The following ZNF99 variants were observed in gnomAD, a reference collection of about 807,000 sequenced individuals.
ZNF99 encodes zinc finger protein ENSP00000375192.
In ZNF99, 8 loss-of-function variants were observed where a neutral mutation model predicts 12.8. That is an observed-to-expected ratio of 0.62 (90% CI 0.37 to 1.13). ZNF99 has a LOEUF of 1.13. Ranked by LOEUF, ZNF99 falls within the 50% of genes most tolerant of loss-of-function variation. The probability of loss-of-function intolerance (pLI) is 0.02; values close to 1 mark genes in which losing one functional copy is unlikely to be tolerated. For synonymous variants in ZNF99, 318 were observed against 319.0 expected (o/e 1.00, Z 0.03); for missense variants, 1,007 against 1,006.2 (o/e 1.00, Z -0.01).
chr19:22,770,200 G>A (rs1218543376), intron 1 of ZNF99, among the ~76,000 whole-genome samples: 2 of 152,112 alleles, frequency 1.3e-5, no homozygotes, highest in Admixed American at 6.5e-5. Flanking sequence ...TATAAACAAA[G>A]ACGAGAGCCC....
Position 22,755,985 on chromosome 19 carries a change from T to G in ZNF99, c.*1329A>C, listed in dbSNP as rs573857794. 440 of 603,160 alleles carry G rather than the reference T, an allele frequency of 7.3e-4. 6 individuals carry two copies. The highest frequency in any genetic ancestry group is 2.8e-3 in the South Asian group (164 of 59,048). 37.4% of individuals were successfully genotyped at this position (603,160 alleles called of 1,614,324 possible). ...TTCCTCCAGTATCAATTATTTTATG[T>G]GTATTTAAGGTGTGAGGACTGGTTA... On this transcript the variant is annotated 3_prime_UTR_variant, in exon 4 of 4. Coordinates refer to ENST00000596209, the MANE Select transcript of ZNF99 (RefSeq NM_001080409.3).
At chr19:22,765,826 G>C (rs2145148889) in intron 3 of ZNF99, among the ~76,000 whole-genome samples, 1 of 151,998 alleles carries the variant, frequency 6.6e-6, no homozygotes, top group South Asian at 2.1e-4. Context: ...TATATAACAA[G>C]AGAAATGCTA....
At chr19:22,781,971 A>G (rs1485241369) in intron 1 of ZNF99, among the ~76,000 whole-genome samples, 1 of 151,986 alleles carries the variant, frequency 6.6e-6, no homozygotes, top group African/African-American at 2.4e-5. Flanking sequence ...AAAGCGGCAC[A>G]AAGATTTTTT....
chr19:22,755,357 A>T lies in ZNF99; in HGVS notation c.*1957T>A. On this transcript the variant is annotated 3_prime_UTR_variant, in exon 4 of 4. Coordinates refer to ENST00000596209, the MANE Select transcript of ZNF99 (RefSeq NM_001080409.3). The stretch of plus-strand genomic sequence containing the variant: ...GAAAACCAGTTAAAAGCTTTGCCAC[A>T]GTTTTCATATTTGTAGGGTTTCTCT... 3.7e-6 allele frequency: 1 copy of T among 272,412 alleles called. No homozygotes were observed. The highest frequency in any genetic ancestry group is 7.6e-6 in the Non-Finnish European group (1 of 131,494). 16.9% of individuals were successfully genotyped at this position (272,412 alleles called of 1,614,324 possible). A position where few individuals can be genotyped will look rare whatever the true frequency, so the allele number is the denominator to read the frequency against.
Position 22,758,797 on chromosome 19 carries a change from T to A in ZNF99, c.1112A>T (p.Tyr371Phe), listed in dbSNP as rs372668443. The change falls in exon 4 of 4, where the codon TAT (tyrosine) becomes TTT (phenylalanine). Residue 371 changes from tyrosine to phenylalanine, a missense_variant. Coordinates refer to ENST00000596209, the MANE Select transcript of ZNF99 (RefSeq NM_001080409.3). Reference protein sequence around the residue: ...IIHTEEKPYKYEECGKAFSNL... With the variant: ...IIHTEEKPYKFEECGKAFSNL... ...GCTAAAAGCTTTGCCGCATTCTTCA[T>A]ATTTGTAGGGTTTCTCTTCAGTATG... 2.5e-6 allele frequency: 4 copies of A among 1,602,616 alleles called. No individual in the cohort carries two copies. Among genetic ancestry groups the A allele is most frequent in the Non-Finnish European group, 3.4e-6 (4 of 1,173,294 alleles).
Position 22,754,519 on chromosome 19 carries a change from A to G in ZNF99, c.*2795T>C, listed in dbSNP as rs1390628660. 7.0e-6 allele frequency: 3 copies of G among 428,068 alleles called. No individual in the cohort carries two copies. Among genetic ancestry groups the G allele is most frequent in the Non-Finnish European group, 1.4e-5 (3 of 218,152 alleles). The allele number at this position is 428,068 out of a possible 1,614,324, so 26.5% of individuals were successfully genotyped here. ...ATTTATCTTCTGTATGAATTCTCTT[A>G]TATTTAGTATGAGTTGAAGACCAGT... On this transcript the variant is annotated 3_prime_UTR_variant, in exon 4 of 4. Coordinates refer to ENST00000596209, the MANE Select transcript of ZNF99 (RefSeq NM_001080409.3).
Position 22,778,393 on chromosome 19 carries a change from C to CACACCAACTCACTGTCTGACATTCTCCA in ZNF99, c.3+5593_3+5620dup, listed in dbSNP as rs1164185324. Among the ~76,000 whole-genome samples, 14 of 152,176 alleles carry CACACCAACTCACTGTCTGACATTCTCCA rather than the reference C, an allele frequency of 9.2e-5. No individual in the cohort carries two copies. The East Asian group carries it at 2.7e-3, about 30-fold the overall frequency. ...TTTGCTAAACACCAAGCAATTCTCC[C>CACACCAACTCACTGTCTGACATTCTCCA]ACACCAACTCACTGTCTGACATTCT... On this transcript the variant is annotated intron_variant, in intron 1 of 3. Coordinates refer to ENST00000596209, the MANE Select transcript of ZNF99 (RefSeq NM_001080409.3).
intron 1 of ZNF99, among the ~76,000 whole-genome samples, chr19:22,777,559 G>C (rs1973343248): frequency 6.6e-6 from 1 of 152,184 alleles, no homozygotes. Context: ...CTCTATGGGT[G>C]AAAGAGAGTG....
Position 22,756,158 on chromosome 19 carries a change from T to A in ZNF99, c.*1156A>T. On this transcript the variant is annotated 3_prime_UTR_variant, in exon 4 of 4. Coordinates refer to ENST00000596209, the MANE Select transcript of ZNF99 (RefSeq NM_001080409.3). Reference sequence around the variant, plus strand: ...TCTAGTATAAATTATCTTATGTGTATTAAGGTTTGTAAAATGGTTGAAAGC... The same window carrying A: ...TCTAGTATAAATTATCTTATGTGTAATAAGGTTTGTAAAATGGTTGAAAGC... 1 of 1,510,016 alleles carries A rather than the reference T, an allele frequency of 6.6e-7. No homozygotes were observed. The highest frequency in any genetic ancestry group is 1.2e-5 in the South Asian group (1 of 86,416). The allele number at this position is 1,510,016 out of a possible 1,614,324, so 93.5% of individuals were successfully genotyped here.
chr19:22,768,388 G>C lies in ZNF99; in HGVS notation c.143C>G (p.Ser48Cys), dbSNP rs1193586920. Residue 48 changes from serine (S) to cysteine (C), a missense_variant, in exon 3 of 4, where the codon TCT (serine) becomes TGT (cysteine). Coordinates refer to ENST00000596209, the MANE Select transcript of ZNF99 (RefSeq NM_001080409.3). The stretch of plus-strand genomic sequence containing the variant: ...CAGACAAGTTATCAAGTCTAGCTTA[G>C]AGACAGCGATACCTGTTTTATTAAA... The part of the protein sequence containing the change: ...RNLVFLGIAV[S>C]KLDLITCLKQ... 6.2e-7 allele frequency: 1 copy of C among 1,611,830 alleles called. No homozygotes were observed. Among genetic ancestry groups the C allele is most frequent in the South Asian group, 1.1e-5 (1 of 90,364 alleles).
At chr19:22,783,960 C>T in intron 1 of ZNF99, 54 bp downstream of exon 1, 1 of 1,613,134 alleles carries the variant, frequency 6.2e-7, no homozygotes, top group South Asian at 1.1e-5. Context: ...CCACTTTCCA[C>T]CGGTTCCAGT....
rs1972990424 is a variant in ZNF99 at position 22,752,984 on chromosome 19, A to T, written c.*4330T>A. 6.6e-6 allele frequency: 1 copy of T among 152,056 alleles called. No individual in the cohort carries two copies. Among genetic ancestry groups the T allele is most frequent in the Non-Finnish European group, 1.5e-5 (1 of 67,966 alleles). The allele number at this position is 152,056 out of a possible 1,614,324, so 9.4% of individuals were successfully genotyped here. On this transcript the variant is annotated 3_prime_UTR_variant, in exon 4 of 4. Coordinates refer to ENST00000596209, the MANE Select transcript of ZNF99 (RefSeq NM_001080409.3). ...TATATTTTAATATCCTTTCTCTTTTATGAAAAAGGTCATAAATAATGCCCA... is the reference window on the plus strand; with the variant it reads ...TATATTTTAATATCCTTTCTCTTTTTTGAAAAAGGTCATAAATAATGCCCA...
intron 1 of ZNF99, among the ~76,000 whole-genome samples, chr19:22,778,969 T>C (rs1018950727): frequency 3.8e-4 from 58 of 151,112 alleles, no homozygotes; most frequent in African/African-American, 1.4e-3. Flanking sequence ...ATTGTGCCAT[T>C]GCACTCAAGC....
chr19:22,760,515 T>C (rs1281889942), intron 3 of ZNF99, among the ~76,000 whole-genome samples: 2 of 152,138 alleles, frequency 1.3e-5, no homozygotes, highest in East Asian at 3.9e-4. Flanking sequence ...GAGGCCTAGG[T>C]GGGCAGATCA....
At chr19:22,763,666 A>T (rs1359728181) in intron 3 of ZNF99, among the ~76,000 whole-genome samples, 1 of 152,140 alleles carries the variant, frequency 6.6e-6, no homozygotes, top group Non-Finnish European at 1.5e-5. Flanking sequence ...GAGCCTGCAT[A>T]GCCAAAGCAA....
Position 22,758,204 on chromosome 19 carries a change from C to A in ZNF99, c.1705G>T (p.Glu569Ter). The change falls in exon 4 of 4, where the codon GAA becomes TAA. Residue 569 changes from glutamate to a stop codon, truncating the protein, a stop_gained. Coordinates refer to ENST00000596209, the MANE Select transcript of ZNF99 (RefSeq NM_001080409.3). LOFTEE classifies it low-confidence loss of function (END_TRUNC). ...HTGKKPYKCE[E>*]CGKAFKQSSH... ...GATTGCTTAAAAGCTTTGCCACATT[C>A]TTCACATTTGTATGGTTTCTTCCCA... 3 of 1,613,696 alleles carry A rather than the reference C, an allele frequency of 1.9e-6. No individual in the cohort carries two copies. The highest frequency in any genetic ancestry group is 2.5e-6 in the Non-Finnish European group (3 of 1,179,816).
At chr19:22,763,904 CTTTTTTTTTTT>C (rs965211065) in intron 3 of ZNF99, among the ~76,000 whole-genome samples, 2 of 101,686 alleles carry the variant, frequency 2.0e-5, no homozygotes, top group African/African-American at 4.7e-5. Flanking sequence ...TTTTTCTTTC[CTTTTTTTTTTT>C]TTTTTTTTTT....
Position 22,768,412 on chromosome 19 carries a change from A to T in ZNF99, c.131-12T>A. ...AGAGACAGCGATACCTGTTTTATTA[A>T]AAATAAATAACATAAATATTGCTCA... On this transcript the variant is annotated splice_polypyrimidine_tract_variant and intron_variant, in intron 2 of 3. Transcript: ENST00000596209. 6.3e-6 allele frequency: 10 copies of T among 1,596,678 alleles called. No individual in the cohort carries two copies. Among genetic ancestry groups the T allele is most frequent in the Non-Finnish European group, 7.7e-6 (9 of 1,172,250 alleles).
At chr19:22,782,729 T>C (rs1488508228) in intron 1 of ZNF99, among the ~76,000 whole-genome samples, 2 of 141,826 alleles carry the variant, frequency 1.4e-5, no homozygotes, top group African/African-American at 5.3e-5. Flanking sequence ...TGGTGTGCAG[T>C]GGCGCAATCT....
Sources: allele counts gnomAD v4.1 joint callset (sites outside exome capture counted in the v4.1 genomes callset), GRCh38; gene constraint gnomAD v4.1.1; transcripts MANE v1.5; gene names NCBI Gene and HGNC (gene_info 2026-07-23, HGNC 2026-07-21).